SHISA6: variants seen among roughly 807,000 people sequenced by gnomAD.
SHISA6 encodes the protein protein shisa-6.
A neutral mutation model predicts 47.9 loss-of-function variants in SHISA6; 22 were observed. The ratio of observed to expected loss-of-function variants is 0.46; its 90% CI spans 0.33 to 0.66. The LOEUF is 0.66. SHISA6 is among the 30% of genes least tolerant of loss of function. The pLI is 0.02. For missense variants in SHISA6, 680 were observed against 764.6 expected (o/e 0.89, Z 1.30); for synonymous variants, 388 against 337.8 (o/e 1.15, Z -1.63).
rs75999735 is a variant in SHISA6, at chr17:11,328,404, A to G, written c.800-51010A>G. ...TGGAAGCATTCCAAGCCTCATTCTG[A>G]CATTTACTGGTTGCAGAACCACAGG... On this transcript the variant is annotated intron_variant, in intron 2 of 5. Transcript: ENST00000441885. Among the ~76,000 whole-genome samples the G allele has an allele frequency of 3.5e-4, 54 of 152,264 alleles. No homozygotes were observed. In the East Asian group the frequency reaches 5.4e-3, roughly 15 times the overall value.
intron 1 of SHISA6, among the ~76,000 whole-genome samples, chr17:11,258,195 GAGAA>G (rs1349449762): frequency 6.6e-6 from 1 of 152,178 alleles, no homozygotes; most frequent in Non-Finnish European, 1.5e-5. Context: ...ATCCCGAAAA[GAGAA>G]AGGGCATGAT....
chr17:11,253,436 T>C (rs1043042243), intron 1 of SHISA6, among the ~76,000 whole-genome samples: 1 of 152,190 alleles, frequency 6.6e-6, no homozygotes, highest in African/African-American at 2.4e-5. Flanking sequence ...ACAGGCGGGC[T>C]CTTAGTAGAC....
chr17:11,497,275 C>T (rs1032538114), intron 3 of SHISA6, among the ~76,000 whole-genome samples: 23 of 152,208 alleles, frequency 1.5e-4, no homozygotes, highest in African/African-American at 2.4e-4. Context: ...CTGGTGTCTC[C>T]GCTATCATTT....
chr17:11,319,232 C>T (rs1469785320), intron 2 of SHISA6, among the ~76,000 whole-genome samples: 1 of 152,094 alleles, frequency 6.6e-6, no homozygotes, highest in Non-Finnish European at 1.5e-5. Flanking sequence ...GCCTGTGCCA[C>T]CACGCCTGGC....
chr17:11,370,325 A>G (rs893917287), intron 2 of SHISA6, among the ~76,000 whole-genome samples: 3 of 152,232 alleles, frequency 2.0e-5, no homozygotes, highest in African/African-American at 7.2e-5. Context: ...GAGCTCCTCA[A>G]TTACAACGGG....
chr17:11,275,382 C>T (rs1908851120), intron 2 of SHISA6, among the ~76,000 whole-genome samples: 1 of 152,048 alleles, frequency 6.6e-6, no homozygotes, highest in South Asian at 2.1e-4. Flanking sequence ...TTAGCAGCAC[C>T]TTGAGAGCCA....
In SHISA6 at chr17:11,242,079, G is replaced by C. The variant is rs759055980; in HGVS notation, c.638+19G>C. 6.5e-7 allele frequency: 1 copy of C among 1,548,740 alleles called. No individual in the cohort carries two copies. The highest frequency in any genetic ancestry group is 2.0e-5 in the Admixed American group (1 of 51,008). On this transcript the variant is annotated intron_variant, in intron 1 of 5. Transcript: ENST00000441885. The stretch of plus-strand genomic sequence containing the variant: ...TCCACAGGTGAGAGCGCCGCGTGCC[G>C]CGCGCCCCGGTCTCCCCGCGGCCTC...
At position 11,388,544 on chromosome 17, in the gene SHISA6, C is replaced by T. The variant is rs964073531; in HGVS notation, c.895+9035C>T. Among the ~76,000 whole-genome samples the T allele has an allele frequency of 1.7e-4, 26 of 151,902 alleles. 1 individual carries two copies. The highest frequency in any genetic ancestry group is 6.6e-5 in the Admixed American group (1 of 15,240). On this transcript the variant is annotated intron_variant, in intron 3 of 5. Transcript: ENST00000441885. ...TAATGTCTGGATACGGAGAACCTGT[C>T]ATTGCCTTGGTGTGCTCAGCTTTAT...
chr17:11,284,614 C>G (rs1002678966), intron 2 of SHISA6, among the ~76,000 whole-genome samples: 1 of 152,140 alleles, frequency 6.6e-6, no homozygotes, highest in African/African-American at 2.4e-5. Context: ...TGTATGGGTT[C>G]AAATAGGAGT....
At chr17:11,323,011 T>A (rs929491670) in intron 2 of SHISA6, among the ~76,000 whole-genome samples, 1 of 152,168 alleles carries the variant, frequency 6.6e-6, no homozygotes, top group African/African-American at 2.4e-5. Flanking sequence ...CACTCTGACA[T>A]TGGTGTTCTT....
chr17:11,505,020 C>CA (rs1476719048), intron 3 of SHISA6, among the ~76,000 whole-genome samples: 2 of 152,284 alleles, frequency 1.3e-5, no homozygotes, highest in African/African-American at 4.8e-5. Flanking sequence ...ACTGAACTTC[C>CA]ACATCTCTTC....
chr17:11,305,238 A>C (rs2142181003), intron 2 of SHISA6, among the ~76,000 whole-genome samples: 1 of 152,366 alleles, frequency 6.6e-6, no homozygotes, highest in East Asian at 1.9e-4. Context: ...GCATTCATGA[A>C]GCACCTAGGA....
At chr17:11,251,362 G>A (rs1320873364) in intron 1 of SHISA6, among the ~76,000 whole-genome samples, 1 of 151,888 alleles carries the variant, frequency 6.6e-6, no homozygotes, top group Non-Finnish European at 1.5e-5. Context: ...TATTGGCTGA[G>A]GATAGCAAAG....
intron 2 of SHISA6, among the ~76,000 whole-genome samples, chr17:11,335,317 A>G (rs141539849): frequency 3.5e-4 from 54 of 152,312 alleles, no homozygotes; most frequent in Non-Finnish European, 7.1e-4. Flanking sequence ...GGTCACTGAC[A>G]AATGAATATG....
At chr17:11,255,080 C>T (rs1478127038) in intron 1 of SHISA6, among the ~76,000 whole-genome samples, 2 of 152,220 alleles carry the variant, frequency 1.3e-5, no homozygotes, top group African/African-American at 4.8e-5. Context: ...ACTATGTCAA[C>T]AGGACAGGAG....
intron 2 of SHISA6, among the ~76,000 whole-genome samples, chr17:11,375,766 C>A (rs547478523): frequency 7.9e-5 from 12 of 152,092 alleles, no homozygotes; most frequent in Non-Finnish European, 1.2e-4. Flanking sequence ...GGAGTTCTGA[C>A]GGGAGGTCGA....
At chr17:11,539,889 T>C (rs1408693853) in intron 3 of SHISA6, among the ~76,000 whole-genome samples, 1 of 152,134 alleles carries the variant, frequency 6.6e-6, no homozygotes, top group Non-Finnish European at 1.5e-5. Context: ...GGACTGGTAA[T>C]TGAGGGAGAG....
chr17:11,374,272 T>C (rs1169296914), intron 2 of SHISA6, among the ~76,000 whole-genome samples: 4 of 152,180 alleles, frequency 2.6e-5, no homozygotes, highest in Non-Finnish European at 1.5e-5. Context: ...GTTATTTACG[T>C]GCTCTAGAAA....
intron 3 of SHISA6, among the ~76,000 whole-genome samples, chr17:11,452,383 GT>G (rs1915423774): frequency 6.6e-6 from 1 of 152,150 alleles, no homozygotes; most frequent in Non-Finnish European, 1.5e-5. Flanking sequence ...GCCCAGTCCT[GT>G]TTCCTCTCTT....
Sources: allele counts gnomAD v4.1 joint callset (sites outside exome capture counted in the v4.1 genomes callset), GRCh38; gene constraint gnomAD v4.1.1; transcripts MANE v1.5; gene names NCBI Gene and HGNC (gene_info 2026-07-23, HGNC 2026-07-21).